SLC24A3: variants seen among roughly 807,000 people sequenced by gnomAD.
The protein encoded by SLC24A3 is solute carrier family 24 member 3, also known as sodium/potassium/calcium exchanger 3.
SLC24A3 carries 28 observed loss-of-function variants against 75.8 expected under a neutral mutation model. That is an observed-to-expected ratio of 0.37 (90% CI 0.27 to 0.51). SLC24A3 has a LOEUF of 0.51. Ranked by LOEUF, SLC24A3 falls within the 20% of genes least tolerant of loss-of-function variation. SLC24A3 has a pLI of 0.94. For synonymous variants in SLC24A3, 372 were observed against 334.1 expected (o/e 1.11, Z -1.24); for missense variants, 663 against 847.8 (o/e 0.78, Z 2.71).
chr20:19,335,686 A>C (rs1218784552), intron 2 of SLC24A3, among the ~76,000 whole-genome samples: 4 of 152,234 alleles, frequency 2.6e-5, no homozygotes, highest in African/African-American at 9.6e-5. Context: ...TTTTAAGGTG[A>C]AATAATTGAA....
chr20:19,497,307 C>A (rs902341684), intron 2 of SLC24A3, among the ~76,000 whole-genome samples: 1 of 152,124 alleles, frequency 6.6e-6, no homozygotes, highest in African/African-American at 2.4e-5. Flanking sequence ...GGGCTAGGAC[C>A]GTTTCATCTG....
chr20:19,449,240 C>T (rs1010946629), intron 2 of SLC24A3, among the ~76,000 whole-genome samples: 1 of 152,172 alleles, frequency 6.6e-6, no homozygotes, highest in Non-Finnish European at 1.5e-5. Context: ...GGGCCAGCTC[C>T]CCTGCATTCC....
At chr20:19,245,755 T>C (rs1982469156) in intron 1 of SLC24A3, among the ~76,000 whole-genome samples, 1 of 152,152 alleles carries the variant, frequency 6.6e-6, no homozygotes, top group African/African-American at 2.4e-5. Flanking sequence ...TGGTAAATGG[T>C]ACAGTTTACT....
intron 2 of SLC24A3, among the ~76,000 whole-genome samples, chr20:19,410,674 C>T (rs1371804264): frequency 1.3e-5 from 2 of 152,078 alleles, no homozygotes; most frequent in African/African-American, 2.4e-5. Context: ...AGCCCCAGCA[C>T]CAAGAACATT....
intron 2 of SLC24A3, among the ~76,000 whole-genome samples, chr20:19,484,800 T>C (rs1988105948): frequency 6.6e-6 from 1 of 152,176 alleles, no homozygotes; most frequent in South Asian, 2.1e-4. Context: ...TACTGAGCTG[T>C]TCATTTAAAA....
intron 1 of SLC24A3, among the ~76,000 whole-genome samples, chr20:19,239,179 C>T (rs990051207): frequency 4.6e-5 from 7 of 151,326 alleles, no homozygotes; most frequent in Non-Finnish European, 7.4e-5. Flanking sequence ...ATTACTGTGT[C>T]TTGGGCCAGG....
intron 3 of SLC24A3, among the ~76,000 whole-genome samples, chr20:19,521,657 G>A (rs900321229): frequency 6.6e-6 from 1 of 152,168 alleles, no homozygotes; most frequent in Non-Finnish European, 1.5e-5. Context: ...TCACCAAATG[G>A]ATGTCATTTC....
intron 2 of SLC24A3, among the ~76,000 whole-genome samples, chr20:19,342,940 G>A (rs1332748141): frequency 1.3e-5 from 2 of 151,804 alleles, no homozygotes; most frequent in Non-Finnish European, 2.9e-5. Flanking sequence ...CGTGGTGGCA[G>A]GTGCCTGTAG....
chr20:19,271,005 T>G (rs1983314638), intron 1 of SLC24A3, among the ~76,000 whole-genome samples: 1 of 152,166 alleles, frequency 6.6e-6, no homozygotes, highest in Admixed American at 6.5e-5. Context: ...GGAGCAGGTG[T>G]TGCCTTGGGG....
chr20:19,640,510 G>A (rs1006714369), intron 6 of SLC24A3, among the ~76,000 whole-genome samples: 3 of 152,062 alleles, frequency 2.0e-5, no homozygotes, highest in Middle Eastern at 6.3e-3. Flanking sequence ...AGCACTTTGG[G>A]AGGCCAAGGA....
At chr20:19,436,369 T>C (rs190409827) in intron 2 of SLC24A3, among the ~76,000 whole-genome samples, 46 of 152,304 alleles carry the variant, frequency 3.0e-4, no homozygotes, top group Admixed American at 7.2e-4. Context: ...GATTTATGTC[T>C]CTTGGACTTC....
At chr20:19,516,269 G>A (rs2029986153) in intron 3 of SLC24A3, among the ~76,000 whole-genome samples, 1 of 152,166 alleles carries the variant, frequency 6.6e-6, no homozygotes, top group South Asian at 2.1e-4. Context: ...TTTGGGGGAG[G>A]GCATACATGT....
At chr20:19,341,658 G>A (rs146056855) in intron 2 of SLC24A3, among the ~76,000 whole-genome samples, 6 of 152,294 alleles carry the variant, frequency 3.9e-5, no homozygotes, top group East Asian at 1.9e-4. Context: ...ACCCAGGAAC[G>A]CTAATTTGGC....
chr20:19,583,016 G>A (rs900209523), intron 4 of SLC24A3, among the ~76,000 whole-genome samples: 5 of 152,278 alleles, frequency 3.3e-5, no homozygotes, highest in East Asian at 3.9e-4. Flanking sequence ...CCCCTCTGAC[G>A]TCAGCACTAA....
intron 2 of SLC24A3, among the ~76,000 whole-genome samples, chr20:19,319,521 T>C (rs948232466): frequency 2.6e-5 from 4 of 152,336 alleles, no homozygotes; most frequent in Admixed American, 6.5e-5. Flanking sequence ...CTGATACTTC[T>C]GCGGGTGTGG....
At chr20:19,463,241 C>T (rs2122497379) in intron 2 of SLC24A3, among the ~76,000 whole-genome samples, 1 of 152,304 alleles carries the variant, frequency 6.6e-6, no homozygotes, top group Non-Finnish European at 1.5e-5. Context: ...ATCGTAAACA[C>T]ACTGCATCCT....
At chr20:19,406,179 A>G (rs959304135) in intron 2 of SLC24A3, among the ~76,000 whole-genome samples, 3 of 148,120 alleles carry the variant, frequency 2.0e-5, no homozygotes, top group Non-Finnish European at 4.4e-5. Flanking sequence ...GCTTTTAAAG[A>G]TGGTGTGTGT....
chr20:19,438,630 T>C (rs1987247769), intron 2 of SLC24A3, among the ~76,000 whole-genome samples: 1 of 150,012 alleles, frequency 6.7e-6, no homozygotes, highest in Non-Finnish European at 1.5e-5. Flanking sequence ...CACCTGGCAT[T>C]CCCACATGGT....
At chr20:19,243,708 C>G (rs537639215) in intron 1 of SLC24A3, among the ~76,000 whole-genome samples, 16 of 152,274 alleles carry the variant, frequency 1.1e-4, no homozygotes, top group Admixed American at 1.0e-3. Context: ...TTCCTTAACC[C>G]TCTTACAGTC....
Sources: allele counts gnomAD v4.1 joint callset (sites outside exome capture counted in the v4.1 genomes callset), GRCh38; gene constraint gnomAD v4.1.1; transcripts MANE v1.5; gene names NCBI Gene and HGNC (gene_info 2026-07-23, HGNC 2026-07-21).